Variants in WDR24 observed in about 807,000 individuals in gnomAD.
WDR24 encodes the protein GATOR2 complex protein WDR24.
In WDR24, 32 loss-of-function variants were observed where a neutral mutation model predicts 66.7. The observed-to-expected ratio is 0.48, with a 90% CI of 0.36 to 0.64. WDR24 has a LOEUF of 0.64. WDR24 is among the 30% of genes least tolerant of loss of function. The pLI is 0.00. For missense variants in WDR24, 978 were observed against 1,144.1 expected (o/e 0.85, Z 2.09); for synonymous variants, 565 against 469.1 (o/e 1.20, Z -2.64).
Position 686,783 on chromosome 16 carries a change from G to C in WDR24, c.1293C>G (p.Asp431Glu). ...LAGRPLAELC[D>E]HNAKVARELG... ...GCTCTCGAGCCACCTTTGCGTTGTGGTCACAGAGCTCGGCCAGTGGCCGGC... is the reference window on the plus strand; with the variant it reads ...GCTCTCGAGCCACCTTTGCGTTGTGCTCACAGAGCTCGGCCAGTGGCCGGC... The change falls in exon 3 of 9, where the codon GAC becomes GAG. Residue 431 changes from aspartate to glutamate, a missense_variant. By Grantham distance (45) the Asp-to-Glu change is conservative. Around this residue, in one of 2 missense-constraint regions of WDR24, gnomAD observed 676 missense variants for 617.5 expected, o/e 1.09. Transcript: ENST00000293883. The C allele has an allele frequency of 6.2e-7, 1 of 1,609,310 alleles. No homozygotes were observed. Among genetic ancestry groups the C allele is most frequent in the Non-Finnish European group, 8.5e-7 (1 of 1,177,174 alleles).
Position 690,344 on chromosome 16 carries a change from A to AC in WDR24, c.-705dup. 1 of 456,516 alleles carries AC rather than the reference A, an allele frequency of 2.2e-6. No individual in the cohort carries two copies. The highest frequency in any genetic ancestry group is 4.4e-6 in the Non-Finnish European group (1 of 226,896). The allele number at this position is 456,516 out of a possible 1,614,324, so 28.3% of individuals were successfully genotyped here. A position where few individuals can be genotyped will look rare whatever the true frequency, so the allele number is the denominator to read the frequency against. Reference sequence around the variant, plus strand: ...GGGGCAGCCCTTCTCCCCCGCGCGAACCCCAATCTTTTACTAAAAGCGCAC... The same window carrying AC: ...GGGGCAGCCCTTCTCCCCCGCGCGAACCCCCAATCTTTTACTAAAAGCGCAC... On this transcript the variant is annotated 5_prime_UTR_variant, in exon 1 of 9. Coordinates refer to ENST00000293883, the MANE Select transcript of WDR24 (RefSeq NM_032259.4).
In WDR24 at chr16:686,884, T is replaced by G. The variant is rs1472807219; in HGVS notation, c.1192A>C (p.Ser398Arg). Residue 398 changes from serine to arginine, a missense_variant, in exon 3 of 9, where the codon AGT becomes CGT. Physicochemically the swap from Ser to Arg is moderately radical, Grantham distance 110. Transcript: ENST00000293883. The stretch of plus-strand genomic sequence containing the variant: ...CCACCTGGCTCCGTCTCAAAGACAC[T>G]GAGGGCACTGGAGGCGAGGCCTGCG... ...PFAGLASSAL[S>R]VFETEPGGGG... The G allele has an allele frequency of 6.2e-7, 1 of 1,609,736 alleles. No individual in the cohort carries two copies. Among genetic ancestry groups the G allele is most frequent in the Non-Finnish European group, 8.5e-7 (1 of 1,179,616 alleles).
In WDR24 at chr16:690,218, C is replaced by G. The variant is rs941415179; in HGVS notation, c.-578G>C. On this transcript the variant is annotated 5_prime_UTR_variant, in exon 1 of 9. Coordinates refer to ENST00000293883, the MANE Select transcript of WDR24 (RefSeq NM_032259.4). ...AGGAGCTCGAGGTGTCTGGCGGGACCGGAGGCAGGAGAGAAGCCGGCGACC... is the reference window on the plus strand; with the variant it reads ...AGGAGCTCGAGGTGTCTGGCGGGACGGGAGGCAGGAGAGAAGCCGGCGACC... 1 of 391,440 alleles carries G rather than the reference C, an allele frequency of 2.6e-6. No homozygotes were observed. Among genetic ancestry groups the G allele is most frequent in the East Asian group, 7.2e-5 (1 of 13,830 alleles). The allele number at this position is 391,440 out of a possible 1,614,324, so 24.2% of individuals were successfully genotyped here.
chr16:685,390 G>T lies in WDR24; in HGVS notation c.1886C>A (p.Pro629Gln), dbSNP rs777129600. Residue 629 changes from proline (P) to glutamine (Q), a missense_variant, in exon 7 of 9, where the codon CCG becomes CAG. By Grantham distance (76) the Pro-to-Gln change is moderately conservative. Around this residue, in one of 2 missense-constraint regions of WDR24, gnomAD observed 676 missense variants for 617.5 expected, o/e 1.09. Transcript: ENST00000293883. ...CACCAGCACGCCGAAGAAGTCGGGC[G>T]GCAGGCGGCTGTCGTAGAGCGCGTG... is the stretch of plus-strand genomic sequence containing the variant. The part of the protein sequence containing the change: ...VSHALYDSRL[P>Q]PDFFGVLVRD... The T allele has an allele frequency of 6.2e-7, 1 of 1,612,520 alleles. No homozygotes were observed. The highest frequency in any genetic ancestry group is 1.7e-5 in the Admixed American group (1 of 60,012).
chr16:687,284 G>A lies in WDR24; in HGVS notation c.792C>T (p.Arg264=). 1 of 1,611,418 alleles carries A rather than the reference G, an allele frequency of 6.2e-7. No homozygotes were observed. The highest frequency in any genetic ancestry group is 8.5e-7 in the Non-Finnish European group (1 of 1,179,762). The change falls in exon 3 of 9, where the codon CGC becomes CGT. Residue 264 remains arginine, a synonymous_variant. Coordinates refer to ENST00000293883, the MANE Select transcript of WDR24 (RefSeq NM_032259.4). The part of the protein sequence containing the change: ...VARVKWRPEC[R]HHLATCSMMV... ...TCATGGAGCACGTGGCCAGGTGGTG[G>A]CGGCACTCTGGCCGCCACTTCACAC...
intron 3 of WDR24, among the ~76,000 whole-genome samples, chr16:686,458 G>A (rs1596566324): frequency 6.6e-6 from 1 of 152,170 alleles, no homozygotes; most frequent in African/African-American, 2.4e-5. Context: ...CGGCTCCACC[G>A]CTGCTGGTGC....
intron 1 of WDR24, among the ~76,000 whole-genome samples, chr16:688,630 CCT>C (rs2039935690): frequency 6.6e-6 from 1 of 152,236 alleles, no homozygotes; most frequent in Admixed American, 6.5e-5. Flanking sequence ...CTCTGAGGCC[CCT>C]GAGGGCTCCG....
Position 689,578 on chromosome 16 carries a change from C to T in WDR24, c.63G>A (p.Met21Ile). ...LGGSVLTGRT[M>I]HCHLDAPANA... ...TGGCGGGAGCATCCAGGTGGCAGTG[C>T]ATGGTGCGGCCTGTCAGCACGCTGC... is the stretch of plus-strand genomic sequence containing the variant. Residue 21 changes from methionine (M) to isoleucine (I), a missense_variant, in exon 1 of 9, where the codon ATG (methionine) becomes ATA (isoleucine). Met to Ile is a conservative substitution (Grantham distance 10). This residue lies in a region of WDR24 where 302 missense variants were observed against 526.6 expected (regional missense o/e 0.57). Coordinates refer to ENST00000293883, the MANE Select transcript of WDR24 (RefSeq NM_032259.4). The T allele has an allele frequency of 6.2e-7, 1 of 1,612,962 alleles. No homozygotes were observed. Among genetic ancestry groups the T allele is most frequent in the Non-Finnish European group, 8.5e-7 (1 of 1,180,024 alleles).
chr16:685,443 G>A lies in WDR24; in HGVS notation c.1833C>T (p.Asp611=), dbSNP rs776646628. Reference sequence around the variant, plus strand: ...AGACAGACAGGAGCGAGAAGGAGGAGTCCACGGGGGCCAGGGAGGCCACAT... The same window carrying A: ...AGACAGACAGGAGCGAGAAGGAGGAATCCACGGGGGCCAGGGAGGCCACAT... ...EADVASLAPV[D]SSFSLLSVSH... is the part of the protein sequence containing the mutation. Residue 611 remains aspartate, a synonymous_variant, in exon 7 of 9, where the codon GAC becomes GAT. Transcript: ENST00000293883. 5 of 1,608,356 alleles carry A rather than the reference G, an allele frequency of 3.1e-6. No homozygotes were observed. The highest frequency in any genetic ancestry group is 4.3e-6 in the Non-Finnish European group (5 of 1,176,420).
rs149819592 is a variant in WDR24, at chr16:687,320, G to A, written c.756C>T (p.Ala252=). ...GCCGCCACTTCACACGGGCCACCGA[G>A]GCGATGGTCTGCACACAGTGCATCT... ...AKEMHCVQTI[A]SVARVKWRPE... is the part of the protein sequence containing the mutation. Residue 252 remains alanine (A), a synonymous_variant, in exon 3 of 9, where the codon GCC becomes GCT. Coordinates refer to ENST00000293883, the MANE Select transcript of WDR24 (RefSeq NM_032259.4). 3 of 1,611,140 alleles carry A rather than the reference G, an allele frequency of 1.9e-6. No homozygotes were observed. The highest frequency in any genetic ancestry group is 1.1e-5 in the South Asian group (1 of 91,084).
At position 685,714 on chromosome 16, in the gene WDR24, TC is replaced by T. The variant is rs995669008; in HGVS notation, c.1642del (p.Asp548ThrfsTer50). 1 of 1,613,056 alleles carries T rather than the reference TC, an allele frequency of 6.2e-7. No individual in the cohort carries two copies. The highest frequency in any genetic ancestry group is 8.5e-7 in the Non-Finnish European group (1 of 1,180,008). On this transcript the variant is annotated frameshift_variant, in exon 6 of 9. Transcript: ENST00000293883. LOFTEE classifies it high-confidence loss of function. ...TTCCGGATCCAGCAGGTACAGCTCG[TC>T]CTCCTCACCTTCCACGTCACCCAGC... ...YLLGDVEGEEDELYLLDPEHA... is the reference protein window; with the variant it reads ...YLLGDVEGEEXELYLLDPEHA...
chr16:687,640 CG>C lies in WDR24; in HGVS notation c.580del (p.Arg194GlyfsTer39), dbSNP rs1189884085. 1 of 1,613,518 alleles carries C rather than the reference CG, an allele frequency of 6.2e-7. No individual in the cohort carries two copies. Among genetic ancestry groups the C allele is most frequent in the South Asian group, 1.1e-5 (1 of 91,082 alleles). On this transcript the variant is annotated frameshift_variant, in exon 2 of 9. Coordinates refer to ENST00000293883, the MANE Select transcript of WDR24 (RefSeq NM_032259.4). LOFTEE classifies it high-confidence loss of function. The part of the protein sequence containing the change: ...ENGNVQLWDI[R>X]RPDRCERMFT... ...CATCCTCTCGCACCGGTCGGGACGC[CG>C]GATGTCCCAGAGCTGCACATTGCCG... is the stretch of plus-strand genomic sequence containing the variant.
rs377315809 is a variant in WDR24, at chr16:686,090, A to C, written c.1429T>G (p.Cys477Gly). ...LNHSVGKGGS[C>G]GLPLMNSFNL... ...TACCTGTTCATGAGCGGGAGGCCAC[A>C]GGAGCCACCCTTGCCCACACTGTGG... Residue 477 changes from cysteine to glycine, a missense_variant, in exon 4 of 9, where the codon TGT becomes GGT. Coordinates refer to ENST00000293883, the MANE Select transcript of WDR24 (RefSeq NM_032259.4). 3 of 1,612,916 alleles carry C rather than the reference A, an allele frequency of 1.9e-6. No individual in the cohort carries two copies. In the African/African-American group the frequency reaches 4.0e-5, roughly 22 times the overall value.
chr16:687,357 T>A lies in WDR24; in HGVS notation c.719A>T (p.His240Leu), dbSNP rs1391099438. Residue 240 changes from histidine to leucine, a missense_variant, in exon 3 of 9, where the codon CAC (histidine) becomes CTC (leucine). By Grantham distance (99) the His-to-Leu change is moderately conservative. This residue lies in a region of WDR24 where 302 missense variants were observed against 526.6 expected (regional missense o/e 0.57). Coordinates refer to ENST00000293883, the MANE Select transcript of WDR24 (RefSeq NM_032259.4). The stretch of plus-strand genomic sequence containing the variant: ...CACACAGTGCATCTCCTTGGCACGG[T>A]GCGTGGTCATGTCCCAGACCTTCAC... ...KMVKVWDMTT[H>L]RAKEMHCVQT... is the part of the protein sequence containing the mutation. 1 of 1,600,976 alleles carries A rather than the reference T, an allele frequency of 6.2e-7. No homozygotes were observed. The highest frequency in any genetic ancestry group is 2.2e-5 in the East Asian group (1 of 44,574).
Position 689,516 on chromosome 16 carries a change from A to G in WDR24, c.125T>C (p.Val42Ala), listed in dbSNP as rs773420950. 5.0e-6 allele frequency: 8 copies of G among 1,613,058 alleles called. No homozygotes were observed. Among genetic ancestry groups the G allele is most frequent in the African/African-American group, 2.7e-5 (2 of 74,932 alleles). The change falls in exon 1 of 9, where the codon GTC (valine) becomes GCC (alanine). Residue 42 changes from valine (V) to alanine (A), a missense_variant. Transcript: ENST00000293883. ...CTTGAAGATGCTACGGCCTGCCACG[A>G]CCACCTGGGCTGCGTCGCGGCACAC... ...ISVCRDAAQVVVAGRSIFKIY... is the reference protein window; with the variant it reads ...ISVCRDAAQVAVAGRSIFKIY...
intron 3 of WDR24, among the ~76,000 whole-genome samples, chr16:686,420 T>G (rs933141634): frequency 1.3e-5 from 2 of 152,064 alleles, no homozygotes; most frequent in African/African-American, 2.4e-5. Context: ...GCGGGGCAGC[T>G]AGAGATGGGC....
chr16:687,876 A>G, intron 1 of WDR24, 137 bp from the exon 2 acceptor site: 1 of 1,182,944 alleles, frequency 8.5e-7, no homozygotes, highest in Non-Finnish European at 1.2e-6. Context: ...GACATCCCCA[A>G]GATCTGCCCA....
intron 1 of WDR24, 81 bp downstream of exon 1, chr16:689,079 C>T (rs187795778): frequency 2.5e-4 from 395 of 1,566,594 alleles, no homozygotes; most frequent in African/African-American, 1.0e-3. Context: ...CTCTGATGCA[C>T]GGAGCCCTTT....
In WDR24 at chr16:684,675, G is replaced by A. The variant is rs1226363781; in HGVS notation, c.*59C>T. On this transcript the variant is annotated 3_prime_UTR_variant, in exon 9 of 9. Coordinates refer to ENST00000293883, the MANE Select transcript of WDR24 (RefSeq NM_032259.4). Reference sequence around the variant, plus strand: ...AAGTTCCAGCCTCCGCCCGTCTCGGGCACAAGACCAGGCGGGGTTCTGCAC... The same window carrying A: ...AAGTTCCAGCCTCCGCCCGTCTCGGACACAAGACCAGGCGGGGTTCTGCAC... The A allele has an allele frequency of 1.5e-5, 22 of 1,500,204 alleles. No individual in the cohort carries two copies. The highest frequency in any genetic ancestry group is 1.7e-4 in the Middle Eastern group (1 of 5,778). The allele number at this position is 1,500,204 out of a possible 1,614,324, so 92.9% of individuals were successfully genotyped here.
Sources: gnomAD v4.1 joint callset for allele counts (sites outside exome capture counted in the v4.1 genomes callset) on GRCh38, gnomAD v4.1.1 for gene constraint, gnomAD v4.1.1 regional missense constraint, MANE v1.5 for transcripts, NCBI Gene and HGNC (gene_info 2026-07-23, HGNC 2026-07-21) for gene names.